The following PDE1B variants were observed in gnomAD, a reference collection of about 807,000 sequenced individuals.
PDE1B encodes the protein phosphodiesterase 1B.
PDE1B carries 13 observed loss-of-function variants against 66.7 expected under a neutral mutation model. The ratio of observed to expected loss-of-function variants is 0.19; its 90% confidence interval spans 0.13 to 0.31. PDE1B has a LOEUF of 0.31. Among genes scored for constraint, PDE1B ranks in the 10% least tolerant of loss-of-function variants. PDE1B has a pLI of 1.00. For synonymous variants in PDE1B, 230 were observed against 253.9 expected, an observed-to-expected ratio of 0.91 and a Z score of 0.90; for missense variants, 485 against 682.3, an observed-to-expected ratio of 0.71 and a Z score of 3.22.
intron 2 of PDE1B, among the ~76,000 whole-genome samples, chr12:54,553,688 G>C (rs1957307937): frequency 6.6e-6 from 1 of 152,168 alleles, no homozygotes; most frequent in South Asian, 2.1e-4. Flanking sequence ...TGAGTGGCGG[G>C]GGGAGGAGTA....
chr12:54,556,671 G>A (rs893141738), intron 2 of PDE1B, among the ~76,000 whole-genome samples: 1 of 152,214 alleles, frequency 6.6e-6, no homozygotes, highest in African/African-American at 2.4e-5. Flanking sequence ...AGGCCTGGGG[G>A]CATAGGGCAT....
chr12:54,559,271 T>C (rs76465210), intron 2 of PDE1B, among the ~76,000 whole-genome samples: 8,480 of 43,316 alleles, frequency 0.2, 341 homozygotes, highest in African/African-American at 0.28. Flanking sequence ...CCCACCCCTT[T>C]TCTCTTACCA....
At chr12:54,577,533 C>T in intron 15 of PDE1B, 188 bp downstream of exon 15, 6 of 1,557,494 alleles carry the variant, frequency 3.9e-6, no homozygotes, top group Non-Finnish European at 5.2e-6. Flanking sequence ...GCTCTTCTGT[C>T]CCCCAGTCCC....
intron 2 of PDE1B, among the ~76,000 whole-genome samples, chr12:54,551,040 G>A (rs1030640304): frequency 1.3e-5 from 2 of 152,176 alleles, no homozygotes; most frequent in Non-Finnish European, 2.9e-5. Context: ...AAACAGATAG[G>A]AGACTATGGA....
chr12:54,559,228 C>T (rs1381804193), intron 2 of PDE1B, among the ~76,000 whole-genome samples: 1 of 141,230 alleles, frequency 7.1e-6, no homozygotes, highest in African/African-American at 2.7e-5. Context: ...CCCTTTACCC[C>T]CACCCACCCC....
intron 2 of PDE1B, among the ~76,000 whole-genome samples, chr12:54,550,471 T>C (rs916205657): frequency 2.0e-5 from 3 of 152,214 alleles, no homozygotes; most frequent in Non-Finnish European, 2.9e-5. Flanking sequence ...GGGTCATATG[T>C]ATCTCAGTTG....
intron 2 of PDE1B, among the ~76,000 whole-genome samples, chr12:54,558,253 C>A (rs575341180): frequency 6.6e-6 from 1 of 152,180 alleles, no homozygotes; most frequent in African/African-American, 2.4e-5. Flanking sequence ...CCTCCTACCC[C>A]TTTTCCTCAT....
chr12:54,568,588 T>G (rs753696399), intron 3 of PDE1B, among the ~76,000 whole-genome samples: 12 of 152,076 alleles, frequency 7.9e-5, no homozygotes, highest in Non-Finnish European at 1.8e-4. Context: ...CTCACGCCTA[T>G]AATCCCAGCA....
Position 54,573,870 on chromosome 12 carries a change from A to AGAGAGAGTGTGT in PDE1B, c.1064+162_1064+163insAGAGAGTGTGTG, listed in dbSNP as rs774810310. 8.0e-5 allele frequency: 40 copies of AGAGAGAGTGTGT among 502,102 alleles called. No individual in the cohort carries two copies. Among genetic ancestry groups the AGAGAGAGTGTGT allele is most frequent in the African/African-American group, 5.8e-4 (26 of 44,968 alleles). The allele number at this position is 502,102 out of a possible 1,614,324, so 31.1% of individuals were successfully genotyped here. ...GCATCTCTATGTGAGAGAGAGAGAGAGTGTGTGTGTGTGTGTGTGTGTGTG... is the reference window on the plus strand; with the variant it reads ...GCATCTCTATGTGAGAGAGAGAGAGAGAGAGAGTGTGTGTGTGTGTGTGTGTGTGTGTGTGTG... On this transcript the variant is annotated intron_variant, in intron 10 of 15. Coordinates refer to ENST00000243052, the MANE Select transcript of PDE1B (RefSeq NM_000924.4). The surrounding 1 kb of genome is among the most constrained non-coding windows in gnomAD (Gnocchi z 5.2).
rs377445884 is a variant in PDE1B at position 54,570,348 on chromosome 12, C to T, written c.585C>T (p.Ser195=). The part of the protein sequence containing the change: ...FELLTRHNLI[S]RFKIPTVFLM... ...TGCTGACTCGGCATAACCTCATCAG[C>T]CGCTTCAAGGTTGGGCAGCATCCTA... Residue 195 remains serine (S), a synonymous_variant, in exon 6 of 16, where the codon AGC becomes AGT. Coordinates refer to ENST00000243052, the MANE Select transcript of PDE1B (RefSeq NM_000924.4). 1.7e-4 allele frequency: 279 copies of T among 1,601,334 alleles called. 2 individuals are homozygous for T. The highest frequency in any genetic ancestry group is 5.0e-4 in the Middle Eastern group (3 of 6,036).
In PDE1B at chr12:54,569,664, A is replaced by C. The variant is rs1381600500; in HGVS notation, c.477+52A>C. The stretch of plus-strand genomic sequence containing the variant: ...GAGAAAGTTAGGGGATGGAATAGCC[A>C]CTGGGACTTCTAGACCCTGTTTATG... On this transcript the variant is annotated intron_variant, in intron 5 of 15. Coordinates refer to ENST00000243052, the MANE Select transcript of PDE1B (RefSeq NM_000924.4). The surrounding 1 kb of genome is among the most constrained non-coding windows in gnomAD (Gnocchi z 4.4). 7.2e-6 allele frequency: 9 copies of C among 1,246,056 alleles called. No homozygotes were observed. The highest frequency in any genetic ancestry group is 1.5e-5 in the African/African-American group (1 of 67,554). The allele number at this position is 1,246,056 out of a possible 1,614,324, so 77.2% of individuals were successfully genotyped here. A position where few individuals can be genotyped will look rare whatever the true frequency, so the allele number is the denominator to read the frequency against.
intron 2 of PDE1B, among the ~76,000 whole-genome samples, chr12:54,560,496 C>T (rs891098692): frequency 6.6e-6 from 1 of 152,198 alleles, no homozygotes; most frequent in Admixed American, 6.5e-5. Flanking sequence ...GGGCTTCACC[C>T]GCCAGCTCTT....
At position 54,573,809 on chromosome 12, in the gene PDE1B, C is replaced by T. The variant is rs373356799; in HGVS notation, c.1064+100C>T. On this transcript the variant is annotated intron_variant, in intron 10 of 15. Coordinates refer to ENST00000243052, the MANE Select transcript of PDE1B (RefSeq NM_000924.4). The surrounding 1 kb of genome is among the most constrained non-coding windows in gnomAD (Gnocchi z 5.2). ...TAGTTGGTGTGCCAGGTCTTTACCTCGCTGTAGAGACTCCACTGGCTTCAG... is the reference window on the plus strand; with the variant it reads ...TAGTTGGTGTGCCAGGTCTTTACCTTGCTGTAGAGACTCCACTGGCTTCAG... 1.1e-5 allele frequency: 9 copies of T among 810,118 alleles called. No individual in the cohort carries two copies. The highest frequency in any genetic ancestry group is 1.1e-4 in the Admixed American group (6 of 56,066). The allele number at this position is 810,118 out of a possible 1,614,324, so 50.2% of individuals were successfully genotyped here. A position where few individuals can be genotyped will look rare whatever the true frequency, so the allele number is the denominator to read the frequency against.
rs140892078 is a variant in PDE1B, at chr12:54,569,612, G to A, written c.477G>A (p.Lys159=). Residue 159 remains lysine, a splice_region_variant and synonymous_variant, in exon 5 of 16, where the codon AAG becomes AAA. Transcript: ENST00000243052. This position sits in a 1 kb window ranked among gnomAD's most constrained non-coding sequence, Gnocchi z 4.4. ...CTACTGCGGTTCTCAACTGTCTCAA[G>A]GTAATCTCTGGGTTTTTGGGAAAGA... ...TYSTAVLNCL[K]NLDLWCFDVF... 2 of 1,609,754 alleles carry A rather than the reference G, an allele frequency of 1.2e-6. No individual in the cohort carries two copies. The highest frequency in any genetic ancestry group is 1.3e-5 in the African/African-American group (1 of 74,818).
At chr12:54,558,652 G>T (rs934596921) in intron 2 of PDE1B, among the ~76,000 whole-genome samples, 1 of 152,150 alleles carries the variant, frequency 6.6e-6, no homozygotes, top group African/African-American at 2.4e-5. Flanking sequence ...TGCCTCCCCA[G>T]GGCCTCTGGA....
chr12:54,570,254 G>T lies in PDE1B; in HGVS notation c.491G>T (p.Trp164Leu). Reference sequence around the variant, plus strand: ...GTTTCTCCATAGAACCTGGATCTCTGGTGCTTTGATGTCTTTTCCTTGAAC... The same window carrying T: ...GTTTCTCCATAGAACCTGGATCTCTTGTGCTTTGATGTCTTTTCCTTGAAC... ...VLNCLKNLDL[W>L]CFDVFSLNQA... Residue 164 changes from tryptophan (W) to leucine (L), a missense_variant, in exon 6 of 16, where the codon TGG becomes TTG. Trp to Leu is a moderately conservative substitution (Grantham distance 61, BLOSUM62 -2). This residue lies in a region of PDE1B where 282 missense variants were observed against 453.4 expected (regional missense o/e 0.62). Transcript: ENST00000243052. 6.2e-7 allele frequency: 1 copy of T among 1,608,892 alleles called. No individual in the cohort carries two copies. Among genetic ancestry groups the T allele is most frequent in the African/African-American group, 1.3e-5 (1 of 74,884 alleles).
intron 3 of PDE1B, among the ~76,000 whole-genome samples, chr12:54,568,068 C>T (rs1957548770): frequency 6.6e-6 from 1 of 152,140 alleles, no homozygotes; most frequent in African/African-American, 2.4e-5. Flanking sequence ...GTTGGTCAGG[C>T]TGGTCTCGAA....
At chr12:54,576,812 ATTTG>A in intron 14 of PDE1B, 111 bp downstream of exon 14, 1 of 1,169,886 alleles carries the variant, frequency 8.5e-7, no homozygotes, top group Non-Finnish European at 1.2e-6. Flanking sequence ...GGACTCCTTG[ATTTG>A]GGAGTGGAGC....
chr12:54,576,806 T>C, intron 14 of PDE1B, 105 bp downstream of exon 14: 1 of 1,263,828 alleles, frequency 7.9e-7, no homozygotes, highest in Non-Finnish European at 1.1e-6. Context: ...TTTGCCGGAC[T>C]CCTTGATTTG....
Sources: gnomAD v4.1 joint callset for allele counts (sites outside exome capture counted in the v4.1 genomes callset) on GRCh38, gnomAD v4.1.1 for gene constraint, gnomAD v4.1.1 regional missense constraint, Gnocchi (gnomAD v3.1) non-coding constraint, MANE v1.5 for transcripts, NCBI Gene and HGNC (gene_info 2026-07-23, HGNC 2026-07-21) for gene names.